Variants in SMIM36 observed in about 807,000 individuals in gnomAD.
SMIM36 encodes the protein small integral membrane protein 36.
chr17:55,490,974 G>A (rs1398978272), intron 1 of SMIM36, among the ~76,000 whole-genome samples: 2 of 151,614 alleles, frequency 1.3e-5, no homozygotes, highest in Non-Finnish European at 2.9e-5. Context: ...ATACAATCAG[G>A]CTGGGTGCTG....
upstream of SMIM36, among the ~76,000 whole-genome samples, chr17:55,516,387 G>A (rs1017967773): frequency 6.6e-6 from 1 of 152,024 alleles, no homozygotes; most frequent in Admixed American, 6.6e-5. Flanking sequence ...AATTCTGTAC[G>A]CTTATACCAA....
At chr17:55,455,384 C>T (rs1320646803) in intron 4 of SMIM36, among the ~76,000 whole-genome samples, 1 of 151,240 alleles carries the variant, frequency 6.6e-6, no homozygotes, top group Non-Finnish European at 1.5e-5. Flanking sequence ...CCTCCCCACA[C>T]TGTTGTTCAA....
At chr17:55,527,425 G>C in the SMIM36 span, among the ~76,000 whole-genome samples, 1 of 152,024 alleles carries the variant, frequency 6.6e-6, no homozygotes, top group East Asian at 1.9e-4. Context: ...GAAAAAGGAG[G>C]GACTAAGAAC....
the SMIM36 span, among the ~76,000 whole-genome samples, chr17:55,522,583 T>C: frequency 6.6e-6 from 1 of 152,180 alleles, no homozygotes; most frequent in Non-Finnish European, 1.5e-5. Flanking sequence ...ATCAGTACCA[T>C]GAAAACAGTA....
the SMIM36 span, among the ~76,000 whole-genome samples, chr17:55,523,957 T>G: frequency 6.6e-6 from 1 of 152,108 alleles, no homozygotes; most frequent in Non-Finnish European, 1.5e-5. Context: ...GGGGTACACG[T>G]GCAGGTTTGT....
At chr17:55,490,778 G>T (rs1598454213) in intron 1 of SMIM36, among the ~76,000 whole-genome samples, 1 of 152,042 alleles carries the variant, frequency 6.6e-6, no homozygotes, top group Non-Finnish European at 1.5e-5. Context: ...GTGTCAACTT[G>T]TACATACACT....
intron 3 of SMIM36, among the ~76,000 whole-genome samples, chr17:55,471,040 C>T (rs999091710): frequency 6.6e-6 from 1 of 152,146 alleles, no homozygotes; most frequent in Admixed American, 6.5e-5. Flanking sequence ...CGTACACCCT[C>T]CTATCTTCAA....
At chr17:55,466,007 GC>G in intron 4 of SMIM36, among the ~76,000 whole-genome samples, 1 of 152,232 alleles carries the variant, frequency 6.6e-6, no homozygotes, top group East Asian at 1.9e-4. Context: ...GGGCATGGTG[GC>G]TCACCACGCT....
At chr17:55,507,781 A>G (rs965406720) in intron 1 of SMIM36, among the ~76,000 whole-genome samples, 3 of 152,030 alleles carry the variant, frequency 2.0e-5, no homozygotes, top group Non-Finnish European at 4.4e-5. Flanking sequence ...GGCTTTGCGC[A>G]TGCGCACTTT....
exon 5 of SMIM36, chr17:55,450,024 A>G (rs963330082): frequency 3.9e-5 from 6 of 152,198 alleles, no homozygotes; most frequent in African/African-American, 7.2e-5. Context: ...ATGACATAAG[A>G]TATGATTAAG....
chr17:55,460,222 G>A (rs1463130294), intron 4 of SMIM36, among the ~76,000 whole-genome samples: 1 of 151,950 alleles, frequency 6.6e-6, no homozygotes. Flanking sequence ...AAGGTCAGGA[G>A]TTCAAGACCA....
chr17:55,466,023 A>G (rs550778588), intron 4 of SMIM36, among the ~76,000 whole-genome samples: 1 of 152,188 alleles, frequency 6.6e-6, no homozygotes, highest in African/African-American at 2.4e-5. Context: ...CACGCTTGTA[A>G]TCTCAGCACT....
At chr17:55,457,135 A>G (rs1050697208) in intron 4 of SMIM36, among the ~76,000 whole-genome samples, 3 of 152,160 alleles carry the variant, frequency 2.0e-5, no homozygotes, top group Non-Finnish European at 4.4e-5. Flanking sequence ...GCAGTTTTCA[A>G]ATAAATCTGC....
At chr17:55,470,559 G>C (rs1011376810) in intron 3 of SMIM36, among the ~76,000 whole-genome samples, 2 of 152,038 alleles carry the variant, frequency 1.3e-5, no homozygotes, top group African/African-American at 4.8e-5. Context: ...TCTTTTATGT[G>C]CTCCTTTTTA....
the SMIM36 span, among the ~76,000 whole-genome samples, chr17:55,521,213 C>G: frequency 1.9e-3 from 292 of 152,282 alleles, no homozygotes; most frequent in African/African-American, 6.7e-3. Flanking sequence ...GCTAGGCTAA[C>G]TTCTTTGTCT....
At chr17:55,470,412 G>T (rs1305716270) in intron 3 of SMIM36, among the ~76,000 whole-genome samples, 1 of 151,986 alleles carries the variant, frequency 6.6e-6, no homozygotes, top group Non-Finnish European at 1.5e-5. Flanking sequence ...CTTCTTAATC[G>T]ATACAGAGGC....
chr17:55,518,274 A>G, the SMIM36 span, among the ~76,000 whole-genome samples: 1 of 152,280 alleles, frequency 6.6e-6, no homozygotes, highest in Non-Finnish European at 1.5e-5. Flanking sequence ...TTGATAACTA[A>G]CCCACTCCCA....
rs1567870722 is a variant in SMIM36, at chr17:55,501,016, T to TATAATATATAATATACTATTTTATA, written c.*174+9862_*174+9863insTATAAAATAGTATATTATATATTAT. Among the ~76,000 whole-genome samples the TATAATATATAATATACTATTTTATA allele has an allele frequency of 3.9e-4, 4 of 10,256 alleles. 2 individuals carry two copies. The highest frequency in any genetic ancestry group is 5.5e-4 in the Non-Finnish European group (4 of 7,248). The allele number at this position is 10,256 out of a possible 152,430, so 6.7% of individuals were successfully genotyped here. On this transcript the variant is annotated intron_variant, in intron 1 of 4. Coordinates refer to ENST00000636752, the Ensembl canonical transcript of SMIM36. Reference sequence around the variant, plus strand: ...TATAATATGTAACATATTATTATATTTTGTAATATATAATATATTATTATA... The same window carrying TATAATATATAATATACTATTTTATA: ...TATAATATGTAACATATTATTATATTATAATATATAATATACTATTTTATATTGTAATATATAATATATTATTATA...
chr17:55,476,913 T>G (rs1357198249), intron 3 of SMIM36: 4 of 152,232 alleles, frequency 2.6e-5, no homozygotes, highest in Non-Finnish European at 4.4e-5. Flanking sequence ...TGCAGTGCCA[T>G]TCCCAGGCAA....
Sources: gnomAD v4.1 joint callset for allele counts (sites outside exome capture counted in the v4.1 genomes callset) on GRCh38, gnomAD v4.1.1 for gene constraint, MANE v1.5 for transcripts, NCBI Gene and HGNC (gene_info 2026-07-23, HGNC 2026-07-21) for gene names.